Variants in ADAM9 observed in about 807,000 individuals in gnomAD.
ADAM9 encodes ADAM metallopeptidase domain 9.
A neutral mutation model predicts 108.1 loss-of-function variants in ADAM9; 54 were observed. That is an observed-to-expected ratio of 0.50 (90% CI 0.40 to 0.63). The LOEUF (loss-of-function observed/expected upper bound fraction) is 0.63, where lower values mean the gene tolerates loss of function less well. ADAM9 is among the 20% of genes least tolerant of loss of function. The pLI is 0.00. For synonymous variants in ADAM9, 316 were observed against 336.0 expected (o/e 0.94, Z 0.65); for missense variants, 830 against 997.7 (o/e 0.83, Z 2.26).
intron 15 of ADAM9, among the ~76,000 whole-genome samples, chr8:39,072,230 G>T (rs566093209): frequency 1.3e-5 from 2 of 152,168 alleles, no homozygotes; most frequent in East Asian, 1.9e-4. Context: ...TAATATCAGT[G>T]AAATTATTTT....
chr8:39,100,025 G>C (rs143138524), intron 20 of ADAM9, among the ~76,000 whole-genome samples: 1 of 151,646 alleles, frequency 6.6e-6, no homozygotes, highest in African/African-American at 2.4e-5. Context: ...AATTACAGGC[G>C]TGCGCCATCA....
At chr8:39,025,995 G>A (rs1836907874) in intron 10 of ADAM9, 111 bp downstream of exon 10, 4 of 1,110,078 alleles carry the variant, frequency 3.6e-6, no homozygotes, top group Non-Finnish European at 5.4e-6. Context: ...TGGGTGTTAT[G>A]AGGAACACAG....
Position 39,078,270 on chromosome 8 carries a change from T to C in ADAM9, c.1881+859T>C, listed in dbSNP as rs554674216. The stretch of plus-strand genomic sequence containing the variant: ...CTGTTATAAACAATGATAAGAGATA[T>C]ATACATTTAAGTTTTTGATAGTGCA... On this transcript the variant is annotated intron_variant, in intron 16 of 21. Coordinates refer to ENST00000487273, the MANE Select transcript of ADAM9 (RefSeq NM_003816.3). Among the ~76,000 whole-genome samples the C allele has an allele frequency of 9.9e-5, 15 of 151,500 alleles. 1 individual carries two copies. In the Middle Eastern group the frequency reaches 0.021, roughly 208 times the overall value.
At chr8:39,002,682 T>G (rs1934795678) in intron 1 of ADAM9, among the ~76,000 whole-genome samples, 2 of 152,186 alleles carry the variant, frequency 1.3e-5, no homozygotes, top group African/African-American at 4.8e-5. Flanking sequence ...ATGAAAAGTG[T>G]GCTCAGACTT....
intron 15 of ADAM9, among the ~76,000 whole-genome samples, chr8:39,075,251 G>A (rs192388747): frequency 8.5e-5 from 13 of 152,294 alleles, no homozygotes; most frequent in Admixed American, 5.2e-4. Context: ...TATTTTTGGC[G>A]AGAATGTTCA....
intron 20 of ADAM9, among the ~76,000 whole-genome samples, chr8:39,092,175 T>C (rs1361772819): frequency 1.3e-5 from 2 of 152,232 alleles, no homozygotes; most frequent in Non-Finnish European, 2.9e-5. Flanking sequence ...TTAAAACTTT[T>C]AAGAACGTTT....
intron 6 of ADAM9, 59 bp from the exon 7 acceptor site, chr8:39,018,794 G>A: frequency 7.1e-7 from 1 of 1,409,680 alleles, no homozygotes; most frequent in Non-Finnish European, 1.0e-6. Flanking sequence ...TGAGAGATTA[G>A]GATGTGATCA....
chr8:39,018,627 T>C (rs530558955), intron 6 of ADAM9: 5 of 555,626 alleles, frequency 9.0e-6, no homozygotes, highest in Admixed American at 3.2e-5. Flanking sequence ...CCCTCAGACA[T>C]AGTTTATCAT....
chr8:39,105,028 T>A lies in ADAM9; in HGVS notation c.*1328T>A. 2.4e-6 allele frequency: 1 copy of A among 418,520 alleles called. No homozygotes were observed. Among genetic ancestry groups the A allele is most frequent in the Non-Finnish European group, 4.6e-6 (1 of 217,214 alleles). 25.9% of individuals were successfully genotyped at this position (418,520 alleles called of 1,614,324 possible). On this transcript the variant is annotated 3_prime_UTR_variant, in exon 22 of 22. Transcript: ENST00000487273. ...TTTGTGTCTCCTAGTAGCTTCCTACTCAACTATTTATAATCTCATTAATTA... is the reference window on the plus strand; with the variant it reads ...TTTGTGTCTCCTAGTAGCTTCCTACACAACTATTTATAATCTCATTAATTA...
intron 4 of ADAM9, 90 bp from the exon 5 acceptor site, chr8:39,016,028 G>A (rs1404925852): frequency 8.4e-7 from 1 of 1,197,218 alleles, no homozygotes; most frequent in South Asian, 1.2e-5. Flanking sequence ...AACTTGACTG[G>A]CCTAAAGTAA....
At chr8:39,079,592 G>T (rs1222564760) in intron 16 of ADAM9, among the ~76,000 whole-genome samples, 3 of 143,482 alleles carry the variant, frequency 2.1e-5, no homozygotes, top group Non-Finnish European at 4.6e-5. Flanking sequence ...AAAATATCAT[G>T]AATTTTTTTT....
intron 12 of ADAM9, among the ~76,000 whole-genome samples, chr8:39,046,775 ATT>A (rs113093288): frequency 6.8e-6 from 1 of 146,588 alleles, no homozygotes. Context: ...AATTAATTAA[ATT>A]TTTTTTTTTT....
chr8:39,012,925 C>T (rs942984522), intron 3 of ADAM9, among the ~76,000 whole-genome samples: 3 of 151,996 alleles, frequency 2.0e-5, no homozygotes, highest in Non-Finnish European at 4.4e-5. Flanking sequence ...TACACATGTA[C>T]CCTAGAACTT....
At chr8:38,997,205 G>C in intron 1 of ADAM9, 45 bp downstream of exon 1, 1 of 1,560,622 alleles carries the variant, frequency 6.4e-7, no homozygotes, top group Non-Finnish European at 8.6e-7. Flanking sequence ...TGCTTCCTAG[G>C]GACGGGGCGC....
intron 12 of ADAM9, among the ~76,000 whole-genome samples, chr8:39,044,884 GTATATA>G (rs199768809): frequency 5.2e-5 from 7 of 135,194 alleles, no homozygotes; most frequent in African/African-American, 2.3e-4. Flanking sequence ...ACATATATAT[GTATATA>G]TATGTGTGTG....
chr8:39,032,132 C>G (rs775804047), intron 11 of ADAM9, among the ~76,000 whole-genome samples: 1 of 152,240 alleles, frequency 6.6e-6, no homozygotes, highest in Non-Finnish European at 1.5e-5. Context: ...GTGTCAGGGA[C>G]CCACTTGAGG....
intron 10 of ADAM9, 73 bp downstream of exon 10, chr8:39,025,957 TC>T: frequency 7.1e-7 from 1 of 1,417,854 alleles, no homozygotes; most frequent in Non-Finnish European, 1.0e-6. Flanking sequence ...ACTGTATACT[TC>T]CTCCCCTGGT....
chr8:39,018,673 C>A, intron 6 of ADAM9, 180 bp from the exon 7 acceptor site: 1 of 635,240 alleles, frequency 1.6e-6, no homozygotes, highest in Non-Finnish European at 2.8e-6. Flanking sequence ...ACAAAGTTTT[C>A]ATCACTAAGA....
chr8:39,016,337 G>A, intron 5 of ADAM9, 143 bp downstream of exon 5: 1 of 745,610 alleles, frequency 1.3e-6, no homozygotes, highest in South Asian at 1.5e-5. Flanking sequence ...TTACAGCTGT[G>A]TTTCAGATAT....
Sources: gnomAD v4.1 joint callset for allele counts (sites outside exome capture counted in the v4.1 genomes callset) on GRCh38, gnomAD v4.1.1 for gene constraint, MANE v1.5 for transcripts, NCBI Gene and HGNC (gene_info 2026-07-23, HGNC 2026-07-21) for gene names.